Variants in PDXK observed in about 807,000 individuals in gnomAD.
The protein encoded by PDXK is pyridoxal kinase.
PDXK carries 15 observed loss-of-function variants against 43.2 expected under a neutral mutation model. That is an observed-to-expected ratio of 0.35 (90% confidence interval 0.23 to 0.53). The LOEUF (loss-of-function observed/expected upper bound fraction) is 0.53, where lower values mean the gene tolerates loss of function less well. Among genes scored for constraint, PDXK ranks in the 20% least tolerant of loss-of-function variants. The pLI is 0.92. For missense variants in PDXK, 343 were observed against 417.0 expected (o/e 0.82, Z 1.54); for synonymous variants, 172 against 165.4 (o/e 1.04, Z -0.31).
In PDXK at chr21:43,722,835, TTTTC is replaced by T. The variant is rs150767849; in HGVS notation, c.87+3466_87+3469del. ...GGAATCTTACATCTGCAAAGATACT[TTTTC>T]TTTCTTTCTTTTTTTTGAGACGGAG... On this transcript the variant is annotated intron_variant, in intron 1 of 10. Coordinates refer to ENST00000291565, the MANE Select transcript of PDXK (RefSeq NM_003681.5). Among the ~76,000 whole-genome samples the T allele has an allele frequency of 2.5e-3, 375 of 152,256 alleles. 2 individuals are homozygous for T. Among genetic ancestry groups the T allele is most frequent in the African/African-American group, 8.9e-3 (369 of 41,552 alleles).
Position 43,737,120 on chromosome 21 carries a change from G to T in PDXK, c.142+2997G>T. 8.8e-7 allele frequency: 1 copy of T among 1,130,420 alleles called. No individual in the cohort carries two copies. The highest frequency in any genetic ancestry group is 1.4e-5 in the South Asian group (1 of 73,712). 70.0% of individuals were successfully genotyped at this position (1,130,420 alleles called of 1,614,324 possible). Reference sequence around the variant, plus strand: ...CCTCCTGCCCAGGGTTGTTACTGGGGTGGTCACGTGGGCAGCTTCTGCCTG... The same window carrying T: ...CCTCCTGCCCAGGGTTGTTACTGGGTTGGTCACGTGGGCAGCTTCTGCCTG... On this transcript the variant is annotated intron_variant, in intron 2 of 10. Transcript: ENST00000291565. This position sits in a 1 kb window ranked among gnomAD's most constrained non-coding sequence, Gnocchi z 4.8.
intron 2 of PDXK, chr21:43,738,119 C>G: frequency 1.1e-6 from 1 of 885,868 alleles, no homozygotes; most frequent in Non-Finnish European, 1.4e-6. Context: ...ACCCCAGCAC[C>G]TCAGTGTGGG....
chr21:43,746,696 G>A (rs1297366368), intron 5 of PDXK, among the ~76,000 whole-genome samples: 1 of 152,104 alleles, frequency 6.6e-6, no homozygotes, highest in African/African-American at 2.4e-5. Flanking sequence ...TAGGATTACA[G>A]GCATGAGCCA....
At position 43,719,354 on chromosome 21, in the gene PDXK, C is replaced by T. The variant is rs1601773823; in HGVS notation, c.60C>T (p.Gly20=). 1 of 1,526,096 alleles carries T rather than the reference C, an allele frequency of 6.6e-7. No homozygotes were observed. The highest frequency in any genetic ancestry group is 8.8e-7 in the Non-Finnish European group (1 of 1,138,004). The allele number at this position is 1,526,096 out of a possible 1,614,324, so 94.5% of individuals were successfully genotyped here. A position where few individuals can be genotyped will look rare whatever the true frequency, so the allele number is the denominator to read the frequency against. ...IQSHVIRGYV[G]NRAATFPLQV... ...GCCACGTCATCCGCGGCTACGTGGG[C>T]AACCGGGCGGCCACGTTCCCGCTGC... Residue 20 remains glycine (G), a synonymous_variant, in exon 1 of 11, where the codon GGC becomes GGT. Transcript: ENST00000291565.
At chr21:43,720,383 G>T (rs2083197440) in intron 1 of PDXK, among the ~76,000 whole-genome samples, 1 of 152,208 alleles carries the variant, frequency 6.6e-6, no homozygotes, top group African/African-American at 2.4e-5. Context: ...CTGCGGTGCG[G>T]GCTGGCCTGG....
intron 1 of PDXK, among the ~76,000 whole-genome samples, chr21:43,731,869 C>G (rs968936070): frequency 6.6e-6 from 1 of 152,176 alleles, no homozygotes; most frequent in Non-Finnish European, 1.5e-5. Flanking sequence ...GGAGGAGACC[C>G]CTGCCAGCAT....
chr21:43,732,782 C>G lies in PDXK; in HGVS notation c.88-1287C>G, dbSNP rs1394722494. ...ATGTTTTTTGAGACATATTCTCACT[C>G]CGTCACCCAGGCTAGAGTGCAGTGG... On this transcript the variant is annotated intron_variant, in intron 1 of 10. Coordinates refer to ENST00000291565, the MANE Select transcript of PDXK (RefSeq NM_003681.5). The surrounding 1 kb of genome is among the most constrained non-coding windows in gnomAD (Gnocchi z 4.1). 1 of 601,960 alleles carries G rather than the reference C, an allele frequency of 1.7e-6. No homozygotes were observed. 37.3% of individuals were successfully genotyped at this position (601,960 alleles called of 1,614,324 possible). A position where few individuals can be genotyped will look rare whatever the true frequency, so the allele number is the denominator to read the frequency against.
At chr21:43,751,238 C>T (rs1193883713) in intron 7 of PDXK, among the ~76,000 whole-genome samples, 1 of 152,144 alleles carries the variant, frequency 6.6e-6, no homozygotes, top group Non-Finnish European at 1.5e-5. Flanking sequence ...ATGCCTGAGA[C>T]TGGATGATTT....
chr21:43,733,959 G>A (rs534257691), intron 1 of PDXK, 110 bp from the exon 2 acceptor site: 88 of 1,103,230 alleles, frequency 8.0e-5, no homozygotes, highest in African/African-American at 7.7e-4. Flanking sequence ...TGGGGGCCCC[G>A]TGCCAGCCGG....
intron 1 of PDXK, among the ~76,000 whole-genome samples, chr21:43,727,362 C>T (rs1601783662): frequency 6.7e-6 from 1 of 148,866 alleles, no homozygotes; most frequent in South Asian, 2.3e-4. Flanking sequence ...GGGCCGGCAG[C>T]GCCTCCCTTC....
In PDXK at chr21:43,734,270, C is replaced by T. The variant is rs897524812; in HGVS notation, c.142+147C>T. 81 of 744,400 alleles carry T rather than the reference C, an allele frequency of 1.1e-4. No homozygotes were observed. Among genetic ancestry groups the T allele is most frequent in the Middle Eastern group, 7.2e-4 (2 of 2,790 alleles). The allele number at this position is 744,400 out of a possible 1,614,324, so 46.1% of individuals were successfully genotyped here. A position where few individuals can be genotyped will look rare whatever the true frequency, so the allele number is the denominator to read the frequency against. Reference sequence around the variant, plus strand: ...GGGACCTGGAGTCCTGGGCGTCGCTCGGGCAGAGCCTGCACAGCATATCAG... The same window carrying T: ...GGGACCTGGAGTCCTGGGCGTCGCTTGGGCAGAGCCTGCACAGCATATCAG... On this transcript the variant is annotated intron_variant, in intron 2 of 10. Coordinates refer to ENST00000291565, the MANE Select transcript of PDXK (RefSeq NM_003681.5). The surrounding 1 kb of genome is among the most constrained non-coding windows in gnomAD (Gnocchi z 5.0).
Position 43,719,643 on chromosome 21 carries a change from C to T in PDXK, c.87+262C>T, listed in dbSNP as rs2147195902. 1.1e-5 allele frequency: 11 copies of T among 985,420 alleles called. No homozygotes were observed. In the South Asian group the frequency reaches 4.2e-4, roughly 38 times the overall value. The allele number at this position is 985,420 out of a possible 1,614,324, so 61.0% of individuals were successfully genotyped here. A position where few individuals can be genotyped will look rare whatever the true frequency, so the allele number is the denominator to read the frequency against. ...TACGCGGGTAGGAGGGAGCCCTGTG[C>T]ACCAGCTATGGCGCAGCCGCTCGTC... is the stretch of plus-strand genomic sequence containing the variant. On this transcript the variant is annotated intron_variant, in intron 1 of 10. Transcript: ENST00000291565.
chr21:43,749,894 C>G (rs757049965), intron 6 of PDXK, among the ~76,000 whole-genome samples: 10 of 152,336 alleles, frequency 6.6e-5, no homozygotes, highest in South Asian at 2.1e-4. Flanking sequence ...ATGGCTCCCC[C>G]CAGCTGAAGA....
chr21:43,749,545 G>T (rs192739689), intron 6 of PDXK, among the ~76,000 whole-genome samples: 129 of 152,406 alleles, frequency 8.5e-4, no homozygotes, highest in Non-Finnish European at 1.4e-3. Flanking sequence ...CTGCCATGGG[G>T]CGAGTGCCCC....
rs998856679 is a variant in PDXK at position 43,756,701 on chromosome 21, C to G, written c.*638C>G. On this transcript the variant is annotated 3_prime_UTR_variant, in exon 11 of 11. Coordinates refer to ENST00000291565, the MANE Select transcript of PDXK (RefSeq NM_003681.5). ...CACACGGTGCAGCATCAGGGACCTTCCCAGGCCCCAGCAAATTCAAGTCGG... is the reference window on the plus strand; with the variant it reads ...CACACGGTGCAGCATCAGGGACCTTGCCAGGCCCCAGCAAATTCAAGTCGG... 6.6e-6 allele frequency: 1 copy of G among 152,436 alleles called. No individual in the cohort carries two copies. Among genetic ancestry groups the G allele is most frequent in the Non-Finnish European group, 1.5e-5 (1 of 68,172 alleles). The allele number at this position is 152,436 out of a possible 1,614,324, so 9.4% of individuals were successfully genotyped here.
intron 1 of PDXK, among the ~76,000 whole-genome samples, chr21:43,726,243 C>T (rs547260471): frequency 2.4e-4 from 36 of 150,644 alleles, no homozygotes; most frequent in African/African-American, 7.3e-4. Flanking sequence ...AAGAACTTAT[C>T]GGTCCCGTTT....
In PDXK at chr21:43,737,020, C is replaced by A; in HGVS notation, c.142+2897C>A. The A allele has an allele frequency of 1.4e-6, 1 of 709,524 alleles. No individual in the cohort carries two copies. Among genetic ancestry groups the A allele is most frequent in the Non-Finnish European group, 2.6e-6 (1 of 391,332 alleles). The allele number at this position is 709,524 out of a possible 1,614,324, so 44.0% of individuals were successfully genotyped here. On this transcript the variant is annotated intron_variant, in intron 2 of 10. Transcript: ENST00000291565. This position sits in a 1 kb window ranked among gnomAD's most constrained non-coding sequence, Gnocchi z 4.8. The stretch of plus-strand genomic sequence containing the variant: ...CGCAACCAGCTCACTGCAGCCTTGA[C>A]CTCCTGGGCTGAAGCAATCTTTCTG...
rs757336594 is a variant in PDXK at position 43,732,381 on chromosome 21, G to A, written c.88-1688G>A. On this transcript the variant is annotated intron_variant, in intron 1 of 10. Transcript: ENST00000291565. The surrounding 1 kb of genome is among the most constrained non-coding windows in gnomAD (Gnocchi z 4.1). The stretch of plus-strand genomic sequence containing the variant: ...TTTGTCTGGCACATGAAGTTGGATG[G>A]GTAGACTCTGGAAGCGTCCAGACCA... 1.2e-6 allele frequency: 2 copies of A among 1,612,436 alleles called. No individual in the cohort carries two copies. Among genetic ancestry groups the A allele is most frequent in the Non-Finnish European group, 1.7e-6 (2 of 1,179,514 alleles).
At position 43,753,709 on chromosome 21, in the gene PDXK, A is replaced by G. The variant is rs770490767; in HGVS notation, c.749A>G (p.Asn250Ser). 23 of 1,612,466 alleles carry G rather than the reference A, an allele frequency of 1.4e-5. No homozygotes were observed. The highest frequency in any genetic ancestry group is 2.7e-5 in the African/African-American group (2 of 74,868). Residue 250 changes from asparagine (N) to serine (S), a missense_variant, in exon 9 of 11, where the codon AAT becomes AGT. Coordinates refer to ENST00000291565, the MANE Select transcript of PDXK (RefSeq NM_003681.5). ...CTGGCGTGGACACACAAGCACCCCA[A>G]TAACCTCAAGGTCAGCCACACGCAC... ...MLLAWTHKHPNNLKVACEKTV... is the reference protein window; with the variant it reads ...MLLAWTHKHPSNLKVACEKTV...
Sources: allele counts gnomAD v4.1 joint callset (sites outside exome capture counted in the v4.1 genomes callset), GRCh38; gene constraint gnomAD v4.1.1; non-coding constraint Gnocchi (gnomAD v3.1); transcripts MANE v1.5; gene names NCBI Gene and HGNC (gene_info 2026-07-23, HGNC 2026-07-21).